TAB1: variants seen among roughly 807,000 people sequenced by gnomAD.
TAB1 encodes TGF-beta activated kinase 1 (MAP3K7) binding protein 1.
TAB1 carries 30 observed loss-of-function variants against 54.5 expected under a neutral mutation model. That is an observed-to-expected ratio of 0.55 (90% confidence interval 0.41 to 0.75). The LOEUF (loss-of-function observed/expected upper bound fraction) is 0.75. TAB1 is among the 30% of genes least tolerant of loss of function. TAB1 has a pLI of 0.00. For synonymous variants in TAB1, 289 were observed against 286.9 expected, an observed-to-expected ratio of 1.01 and a Z score of -0.07; for missense variants, 609 against 683.2, an observed-to-expected ratio of 0.89 and a Z score of 1.21.
At position 39,418,809 on chromosome 22, in the gene TAB1, G is replaced by C; in HGVS notation, c.628G>C (p.Glu210Gln). 1 of 1,614,210 alleles carries C rather than the reference G, an allele frequency of 6.2e-7. No individual in the cohort carries two copies. The highest frequency in any genetic ancestry group is 8.5e-7 in the Non-Finnish European group (1 of 1,180,028). ...ACAGCTGAACGTGGACCACACCACA[G>C]AGAACGAGGATGAGCTCTTCCGTCT... ...VTQLNVDHTT[E>Q]NEDELFRLSQ... The change falls in exon 6 of 11, where the codon GAG becomes CAG. Residue 210 changes from glutamate to glutamine, a missense_variant. Coordinates refer to ENST00000216160, the MANE Select transcript of TAB1 (RefSeq NM_006116.3).
intron 10 of TAB1, among the ~76,000 whole-genome samples, chr22:39,428,930 G>A (rs781668772): frequency 2.0e-5 from 3 of 152,226 alleles, no homozygotes; most frequent in Non-Finnish European, 2.9e-5. Flanking sequence ...CTGCTGCCAC[G>A]GGGCTAGAAA....
intron 1 of TAB1, among the ~76,000 whole-genome samples, chr22:39,401,034 C>CAAAAA (rs566248298): frequency 1.5e-4 from 7 of 45,660 alleles, no homozygotes; most frequent in South Asian, 8.1e-4. Context: ...GACTGTGTCT[C>CAAAAA]AAAAAAAAAA....
At position 39,430,121 on chromosome 22, in the gene TAB1, C is replaced by T. The variant is rs1927520573; in HGVS notation, c.1414C>T (p.Pro472Ser). 1 of 1,614,100 alleles carries T rather than the reference C, an allele frequency of 6.2e-7. No individual in the cohort carries two copies. Among genetic ancestry groups the T allele is most frequent in the African/African-American group, 1.3e-5 (1 of 75,078 alleles). ...FRSRPAHSLP[P>S]GEDGRVEPYV... ...CTCCCGGCCCGCCCACTCGCTCCCG[C>T]CTGGCGAGGACGGTCGTGTTGAGCC... is the stretch of plus-strand genomic sequence containing the variant. The change falls in exon 11 of 11, where the codon CCT becomes TCT. Residue 472 changes from proline (P) to serine (S), a missense_variant. Physicochemically the swap from Pro to Ser is moderately conservative, Grantham distance 74 (BLOSUM62 -1). Transcript: ENST00000216160.
At chr22:39,419,394 T>A in intron 6 of TAB1, 125 bp from the exon 7 acceptor site, 1 of 708,960 alleles carries the variant, frequency 1.4e-6, no homozygotes, top group South Asian at 2.0e-5. Flanking sequence ...GGTGCCCTGG[T>A]GTTGTCTTCA....
At chr22:39,402,404 G>C (rs1356968467) in intron 1 of TAB1, among the ~76,000 whole-genome samples, 1 of 152,170 alleles carries the variant, frequency 6.6e-6, no homozygotes, top group Non-Finnish European at 1.5e-5. Flanking sequence ...TGTGTTGAGG[G>C]GCTGCAGAGT....
intron 8 of TAB1, among the ~76,000 whole-genome samples, chr22:39,424,302 A>G (rs1227511288): frequency 6.6e-6 from 1 of 152,238 alleles, no homozygotes; most frequent in Non-Finnish European, 1.5e-5. Flanking sequence ...TGCTATAAAC[A>G]TACGTGTGCA....
At position 39,419,398 on chromosome 22, in the gene TAB1, G is replaced by A. The variant is rs138442002; in HGVS notation, c.665-121G>A. On this transcript the variant is annotated intron_variant, in intron 6 of 10. Coordinates refer to ENST00000216160, the MANE Select transcript of TAB1 (RefSeq NM_006116.3). ...CTGCTCTCCCAGGTGCCCTGGTGTTGTCTTCATTTCCTATTCAGTGGGTCC... is the reference window on the plus strand; with the variant it reads ...CTGCTCTCCCAGGTGCCCTGGTGTTATCTTCATTTCCTATTCAGTGGGTCC... 2.2e-4 allele frequency: 172 copies of A among 771,566 alleles called. No individual in the cohort carries two copies. The African/African-American group carries it at 2.8e-3, about 13-fold the overall frequency. The allele number at this position is 771,566 out of a possible 1,614,324, so 47.8% of individuals were successfully genotyped here.
chr22:39,427,328 G>A (rs2145682290), intron 9 of TAB1, among the ~76,000 whole-genome samples: 1 of 152,354 alleles, frequency 6.6e-6, no homozygotes, highest in South Asian at 2.1e-4. Flanking sequence ...GGGAAACTGA[G>A]GCTGAAGAAT....
chr22:39,412,496 G>A (rs999382038), intron 1 of TAB1, among the ~76,000 whole-genome samples: 5 of 152,088 alleles, frequency 3.3e-5, no homozygotes, highest in African/African-American at 4.8e-5. Flanking sequence ...ACAGATGTGC[G>A]TGCCCCAGAA....
At chr22:39,400,233 C>T (rs1042463932) in intron 1 of TAB1, among the ~76,000 whole-genome samples, 1 of 152,224 alleles carries the variant, frequency 6.6e-6, no homozygotes, top group African/African-American at 2.4e-5. Context: ...GTGTTAATTG[C>T]TTTACATTTG....
downstream of TAB1, among the ~76,000 whole-genome samples, chr22:39,434,066 G>A (rs1287992571): frequency 6.6e-6 from 1 of 152,218 alleles, no homozygotes; most frequent in Non-Finnish European, 1.5e-5. Flanking sequence ...AAGGGACAGA[G>A]GGAATGGCCG....
chr22:39,407,211 C>T lies in TAB1; in HGVS notation c.33+7376C>T, dbSNP rs568819351. 1.9e-3 allele frequency among the ~76,000 whole-genome samples: 293 copies of T among 152,268 alleles called. 2 individuals are homozygous for T. The highest frequency in any genetic ancestry group is 6.9e-3 in the African/African-American group (287 of 41,538). On this transcript the variant is annotated intron_variant, in intron 1 of 10. Coordinates refer to ENST00000216160, the MANE Select transcript of TAB1 (RefSeq NM_006116.3). ...TTACATTACATAGAGGCTAGATGCT[C>T]ATCTTCTCTTGGGTATATGAAAGCT...
chr22:39,418,934 A>G (rs1926953844), intron 6 of TAB1, 89 bp downstream of exon 6: 13 of 1,059,798 alleles, frequency 1.2e-5, no homozygotes, highest in African/African-American at 3.1e-5. Context: ...CGTGTGGTAG[A>G]GGGGCTGTGA....
Position 39,428,117 on chromosome 22 carries a change from A to T in TAB1, c.1241A>T (p.Gln414Leu), listed in dbSNP as rs1927428499. The part of the protein sequence containing the change: ...SVTLSLVMPS[Q>L]GQMVNGAHSA... ...ACCCTCTCCCTTGTCATGCCCTCCC[A>T]GGGCCAGATGGTCAACGGGGCTCAC... is the stretch of plus-strand genomic sequence containing the variant. Residue 414 changes from glutamine (Q) to leucine (L), a missense_variant, in exon 10 of 11, where the codon CAG becomes CTG. Transcript: ENST00000216160. 6.2e-7 allele frequency: 1 copy of T among 1,613,644 alleles called. No individual in the cohort carries two copies. Among genetic ancestry groups the T allele is most frequent in the African/African-American group, 1.3e-5 (1 of 74,914 alleles).
At chr22:39,429,179 G>C in intron 10 of TAB1, 2 of 985,444 alleles carry the variant, frequency 2.0e-6, no homozygotes, top group Non-Finnish European at 2.4e-6. Context: ...GCTGGTGCTG[G>C]GCAGCGCTAA....
Position 39,406,724 on chromosome 22 carries a change from C to A in TAB1, c.33+6889C>A, listed in dbSNP as rs572526935. Among the ~76,000 whole-genome samples, 131 of 152,178 alleles carry A rather than the reference C, an allele frequency of 8.6e-4. 1 individual carries two copies. Among genetic ancestry groups the A allele is most frequent in the Non-Finnish European group, 1.0e-3 (69 of 68,008 alleles). ...CTCGGCTCACTGCAAGCTCTGCCTCCCGGGTTCACACCATTCTCCTGCCTC... is the reference window on the plus strand; with the variant it reads ...CTCGGCTCACTGCAAGCTCTGCCTCACGGGTTCACACCATTCTCCTGCCTC... On this transcript the variant is annotated intron_variant, in intron 1 of 10. Transcript: ENST00000216160.
chr22:39,430,293 C>G lies in TAB1; in HGVS notation c.*71C>G. The G allele has an allele frequency of 1.3e-6, 2 of 1,587,382 alleles. No individual in the cohort carries two copies. Among genetic ancestry groups the G allele is most frequent in the East Asian group, 4.5e-5 (2 of 44,532 alleles). On this transcript the variant is annotated 3_prime_UTR_variant, in exon 11 of 11. Transcript: ENST00000216160. ...ACAGGGTCCAGCCTTTTCCTAACAT[C>G]TGCCTGTGCCACAACGGCCAGCAGG...
chr22:39,417,051 T>C (rs538790701), intron 4 of TAB1, among the ~76,000 whole-genome samples, 174 bp downstream of exon 4: 3 of 152,240 alleles, frequency 2.0e-5, no homozygotes, highest in Non-Finnish European at 4.4e-5. Flanking sequence ...TGCTCTGCTG[T>C]GGGCAGCTGC....
In TAB1 at chr22:39,401,357, G is replaced by A. The variant is rs117794182; in HGVS notation, c.33+1522G>A. 1.1e-3 allele frequency among the ~76,000 whole-genome samples: 171 copies of A among 152,278 alleles called. 1 individual carries two copies. Among genetic ancestry groups the A allele is most frequent in the Non-Finnish European group, 1.9e-3 (127 of 68,024 alleles). ...TACTCCTTTATTTTATTACTGCTGG[G>A]CACGTCTGTCTTGTTACCGAGTTGG... On this transcript the variant is annotated intron_variant, in intron 1 of 10. Coordinates refer to ENST00000216160, the MANE Select transcript of TAB1 (RefSeq NM_006116.3).
Sources: allele counts gnomAD v4.1 joint callset (sites outside exome capture counted in the v4.1 genomes callset), GRCh38; gene constraint gnomAD v4.1.1; transcripts MANE v1.5; gene names NCBI Gene and HGNC (gene_info 2026-07-23, HGNC 2026-07-21).